Variants in ACOXL observed in about 807,000 individuals in gnomAD.
ACOXL encodes acyl-coenzyme A oxidase-like protein.
ACOXL carries 70 observed loss-of-function variants against 71.9 expected under a neutral mutation model. The ratio of observed to expected loss-of-function variants is 0.97; its 90% CI spans 0.80 to 1.19. ACOXL has a LOEUF of 1.19. ACOXL is among the 50% of genes most tolerant of loss of function. The pLI is 0.00. For missense variants in ACOXL, 703 were observed against 736.3 expected (o/e 0.95, Z 0.52); for synonymous variants, 253 against 281.6 (o/e 0.90, Z 1.02).
At chr2:111,008,995 G>A (rs941825004) in intron 14 of ACOXL, among the ~76,000 whole-genome samples, 1 of 152,094 alleles carries the variant, frequency 6.6e-6, no homozygotes, top group African/African-American at 2.4e-5. Context: ...AAGAATTGTA[G>A]CCTTTTGTCA....
At chr2:110,882,781 G>A in intron 10 of ACOXL, among the ~76,000 whole-genome samples, 1 of 152,120 alleles carries the variant, frequency 6.6e-6, no homozygotes, top group East Asian at 1.9e-4. Context: ...GACCTTTTCA[G>A]GCCTTTTATT....
intron 9 of ACOXL, among the ~76,000 whole-genome samples, chr2:110,819,633 G>A (rs1248217954): frequency 1.3e-5 from 2 of 152,230 alleles, no homozygotes; most frequent in African/African-American, 2.4e-5. Context: ...GTTGGAATGC[G>A]TGGTTGGTAA....
chr2:110,876,904 A>G (rs933325452), intron 10 of ACOXL, among the ~76,000 whole-genome samples: 7 of 152,232 alleles, frequency 4.6e-5, no homozygotes, highest in Non-Finnish European at 8.8e-5. Context: ...ACAGAGAGGA[A>G]AAAGATAAAT....
intron 9 of ACOXL, among the ~76,000 whole-genome samples, chr2:110,816,483 G>C (rs112057092): frequency 3.6e-4 from 55 of 152,276 alleles, no homozygotes; most frequent in African/African-American, 1.2e-3. Context: ...GAGATCTTTT[G>C]GACTTGTGCA....
intron 11 of ACOXL, among the ~76,000 whole-genome samples, chr2:110,915,280 A>G (rs1295051802): frequency 1.4e-5 from 2 of 147,078 alleles, no homozygotes; most frequent in Non-Finnish European, 3.0e-5. Context: ...GAGTTACATT[A>G]CTTTTCAAAT....
intron 10 of ACOXL, among the ~76,000 whole-genome samples, chr2:110,902,577 C>A (rs2059284634): frequency 6.6e-6 from 1 of 152,174 alleles, no homozygotes; most frequent in South Asian, 2.1e-4. Flanking sequence ...GTGGGATCAC[C>A]TGGTGTTGGA....
intron 1 of ACOXL, among the ~76,000 whole-genome samples, chr2:110,751,399 ATGCTACTATACT>A (rs2104804668): frequency 6.6e-6 from 1 of 152,124 alleles, no homozygotes; most frequent in African/African-American, 2.4e-5. Context: ...TGGCATTAAC[ATGCTACTATACT>A]TGCTTTATCA....
chr2:110,828,039 C>T (rs1689367499), intron 9 of ACOXL, among the ~76,000 whole-genome samples: 1 of 152,132 alleles, frequency 6.6e-6, no homozygotes, highest in Non-Finnish European at 1.5e-5. Flanking sequence ...GGCATGATCT[C>T]AGCTCACTGT....
chr2:110,886,612 C>T (rs985524202), intron 10 of ACOXL, among the ~76,000 whole-genome samples: 1 of 152,144 alleles, frequency 6.6e-6, no homozygotes, highest in African/African-American at 2.4e-5. Flanking sequence ...TTCCTAACCT[C>T]AGGTGATCCA....
intron 12 of ACOXL, among the ~76,000 whole-genome samples, chr2:110,935,081 T>A (rs1057023921): frequency 3.3e-5 from 5 of 150,384 alleles, no homozygotes; most frequent in Non-Finnish European, 7.4e-5. Flanking sequence ...GATTCGGGGG[T>A]AGAGTAAGGA....
At chr2:110,831,619 A>G (rs1386957071) in intron 9 of ACOXL, among the ~76,000 whole-genome samples, 2 of 152,242 alleles carry the variant, frequency 1.3e-5, no homozygotes, top group Non-Finnish European at 2.9e-5. Context: ...GGGCAAAAGA[A>G]TAGATAAACA....
intron 1 of ACOXL, among the ~76,000 whole-genome samples, chr2:110,738,387 AG>A (rs1677129685): frequency 6.6e-6 from 1 of 152,308 alleles, no homozygotes. Context: ...TTCCTAAGAG[AG>A]GGTACCTGGG....
At position 111,055,592 on chromosome 2, in the gene ACOXL, C is replaced by T. The variant is rs950089717; in HGVS notation, c.1440+6304C>T. On this transcript the variant is annotated intron_variant, in intron 16 of 17. Transcript: ENST00000439055. Reference sequence around the variant, plus strand: ...TCCCTCTGCCTCTCAAGTGGAGGCACTCAGGGGCTGCCCGTTGTGGCCACA... The same window carrying T: ...TCCCTCTGCCTCTCAAGTGGAGGCATTCAGGGGCTGCCCGTTGTGGCCACA... Among the ~76,000 whole-genome samples, 121 of 152,256 alleles carry T rather than the reference C, an allele frequency of 7.9e-4. 1 individual carries two copies. Among genetic ancestry groups the T allele is most frequent in the African/African-American group, 2.8e-3 (117 of 41,470 alleles).
At chr2:110,967,033 A>C (rs577094420) in intron 12 of ACOXL, among the ~76,000 whole-genome samples, 1 of 152,360 alleles carries the variant, frequency 6.6e-6, no homozygotes, top group South Asian at 2.1e-4. Context: ...GAAAATTGCA[A>C]CTTAAATGAG....
intron 10 of ACOXL, among the ~76,000 whole-genome samples, chr2:110,867,921 C>T (rs1228671937): frequency 6.6e-6 from 1 of 152,122 alleles, no homozygotes; most frequent in Non-Finnish European, 1.5e-5. Context: ...CACCACCACG[C>T]TCAGCTAATT....
At chr2:110,913,857 G>C (rs976993543) in intron 11 of ACOXL, among the ~76,000 whole-genome samples, 1 of 152,120 alleles carries the variant, frequency 6.6e-6, no homozygotes, top group Admixed American at 6.6e-5. Flanking sequence ...GAAACAATTA[G>C]ATTTTGTGAG....
chr2:110,987,941 T>TAATA (rs984455979), intron 13 of ACOXL, among the ~76,000 whole-genome samples: 10 of 152,168 alleles, frequency 6.6e-5, no homozygotes, highest in African/African-American at 2.4e-4. Flanking sequence ...AGAGTTTTTA[T>TAATA]AGGGCTTTCA....
rs77248178 is a variant in ACOXL at position 110,980,510 on chromosome 2, C to T, written c.1060-6598C>T. 8.1e-3 allele frequency among the ~76,000 whole-genome samples: 1,239 copies of T among 152,310 alleles called. 15 individuals are homozygous for T. Among genetic ancestry groups the T allele is most frequent in the African/African-American group, 0.029 (1,196 of 41,552 alleles). On this transcript the variant is annotated intron_variant, in intron 12 of 17. Coordinates refer to ENST00000439055, the MANE Select transcript of ACOXL (RefSeq NM_001142807.4). ...TCCTGTCTATTGTGGCACAGCAAAGCACCCCAAACTTCCTAACTTAGGAGC... is the reference window on the plus strand; with the variant it reads ...TCCTGTCTATTGTGGCACAGCAAAGTACCCCAAACTTCCTAACTTAGGAGC...
intron 1 of ACOXL, among the ~76,000 whole-genome samples, chr2:110,746,841 C>T (rs1445446038): frequency 1.1e-4 from 16 of 150,842 alleles, no homozygotes; most frequent in Admixed American, 8.6e-4. Flanking sequence ...TTGCCTTCAC[C>T]TGAACCAAAA....
Sources: gnomAD v4.1 joint callset for allele counts (sites outside exome capture counted in the v4.1 genomes callset) on GRCh38, gnomAD v4.1.1 for gene constraint, MANE v1.5 for transcripts, NCBI Gene and HGNC (gene_info 2026-07-23, HGNC 2026-07-21) for gene names.